Variants in CTCF observed in about 807,000 individuals in gnomAD.
CTCF encodes transcriptional repressor CTCF.
CTCF carries 7 observed loss-of-function variants against 72.3 expected under a neutral mutation model. That is an observed-to-expected ratio of 0.10 (90% CI 0.06 to 0.18). CTCF has a LOEUF of 0.18. CTCF is among the 10% of genes least tolerant of loss of function. The probability of loss-of-function intolerance (pLI) is 1.00; values close to 1 mark genes in which losing one functional copy is unlikely to be tolerated. For missense variants in CTCF, 516 were observed against 949.1 expected (o/e 0.54, Z 6.00); for synonymous variants, 374 against 315.8 (o/e 1.18, Z -1.95).
chr16:67,611,881 A>C, intron 3 of CTCF, 70 bp from the exon 4 acceptor site: 7 of 1,364,534 alleles, frequency 5.1e-6, no homozygotes, highest in Non-Finnish European at 7.2e-6. Flanking sequence ...TATTTGTAGA[A>C]ATTTAAGATT....
chr16:67,610,506 C>T (rs2052047504), intron 2 of CTCF: 1 of 154,586 alleles, frequency 6.5e-6, no homozygotes, highest in Admixed American at 6.5e-5. Flanking sequence ...GCGCCCGCCA[C>T]CATGCCTGGC....
chr16:67,620,916 G>A, intron 6 of CTCF, 99 bp downstream of exon 6: 2 of 982,980 alleles, frequency 2.0e-6, no homozygotes, highest in Non-Finnish European at 2.8e-6. Flanking sequence ...TTATATGAAT[G>A]AAGACTGGCA....
Position 67,610,903 on chromosome 16 carries a change from C to A in CTCF, c.71C>A (p.Thr24Asn). 1 of 1,528,798 alleles carries A rather than the reference C, an allele frequency of 6.5e-7. No individual in the cohort carries two copies. 94.7% of individuals were successfully genotyped at this position (1,528,798 alleles called of 1,614,324 possible). Residue 24 changes from threonine to asparagine, a missense_variant, in exon 3 of 12, where the codon ACT becomes AAT. Thr to Asn is a moderately conservative substitution (Grantham distance 65). Transcript: ENST00000264010. Reference sequence around the variant, plus strand: ...TTTATTAAAGGAAAGGAGAGAAAGACTTACCAGAGACGCCGGGAAGGGGGC... The same window carrying A: ...TTTATTAAAGGAAAGGAGAGAAAGAATTACCAGAGACGCCGGGAAGGGGGC... ...ETFIKGKERK[T>N]YQRRREGGQE...
At position 67,580,772 on chromosome 16, in the gene CTCF, A is replaced by ATTTTTTTTTTTTTTTT. The variant is rs781616750; in HGVS notation, c.-10+9516_-10+9531dup. 4.0e-3 allele frequency among the ~76,000 whole-genome samples: 481 copies of ATTTTTTTTTTTTTTTT among 120,088 alleles called. 17 individuals carry two copies. Among genetic ancestry groups the ATTTTTTTTTTTTTTTT allele is most frequent in the African/African-American group, 0.016 (456 of 28,844 alleles). 78.8% of individuals were successfully genotyped at this position (120,088 alleles called of 152,430 possible). ...GGCACCTGCCCCAACGCCTGGCCAA[A>ATTTTTTTTTTTTTTTT]TTTTTTTTTTTTTTTTTTTTTTTAG... On this transcript the variant is annotated intron_variant, in intron 2 of 11. Transcript: ENST00000264010.
intron 11 of CTCF, among the ~76,000 whole-genome samples, chr16:67,637,302 CGGGA>C (rs2052443791): frequency 6.6e-6 from 1 of 152,164 alleles, no homozygotes; most frequent in Admixed American, 6.5e-5. Context: ...GGGGCCAAGG[CGGGA>C]GGATCACCTG....
intron 1 of CTCF, 178 bp from the exon 2 acceptor site, chr16:67,570,970 T>G (rs1180445366): frequency 2.0e-5 from 3 of 152,132 alleles, no homozygotes; most frequent in Non-Finnish European, 4.4e-5. Context: ...ATGAATGTTT[T>G]GTTATTGGCT....
intron 2 of CTCF, among the ~76,000 whole-genome samples, chr16:67,577,662 G>A (rs1200756195): frequency 6.6e-6 from 1 of 151,662 alleles, no homozygotes; most frequent in Non-Finnish European, 1.5e-5. Context: ...AGCCAGGATG[G>A]TCTCATCATC....
Position 67,632,189 on chromosome 16 carries a change from C to T in CTCF, c.1837+2656C>T, listed in dbSNP as rs1158594651. 3.3e-5 allele frequency among the ~76,000 whole-genome samples: 5 copies of T among 152,206 alleles called. No individual in the cohort carries two copies. The South Asian group carries it at 8.3e-4, about 25-fold the overall frequency. ...CAGATAATCTTAACCTTGGGGATCCCTATAGTTGTTCTTAGTTGCAAAGCC... is the reference window on the plus strand; with the variant it reads ...CAGATAATCTTAACCTTGGGGATCCTTATAGTTGTTCTTAGTTGCAAAGCC... On this transcript the variant is annotated intron_variant, in intron 10 of 11. Coordinates refer to ENST00000264010, the MANE Select transcript of CTCF (RefSeq NM_006565.4).
intron 2 of CTCF, among the ~76,000 whole-genome samples, chr16:67,600,454 T>C (rs988244027): frequency 2.0e-5 from 3 of 152,154 alleles, no homozygotes; most frequent in Non-Finnish European, 4.4e-5. Flanking sequence ...GGTCTCGAAC[T>C]CCTGGACTCA....
At chr16:67,620,027 A>G (rs574286532) in intron 5 of CTCF, among the ~76,000 whole-genome samples, 1 of 152,230 alleles carries the variant, frequency 6.6e-6, no homozygotes, top group African/African-American at 2.4e-5. Flanking sequence ...TAATGATAGG[A>G]AAAGAGGATG....
At chr16:67,576,942 T>A (rs1445064204) in intron 2 of CTCF, among the ~76,000 whole-genome samples, 1 of 152,294 alleles carries the variant, frequency 6.6e-6, no homozygotes, top group African/African-American at 2.4e-5. Context: ...TGGTATGATC[T>A]CGTGAGAGTA....
chr16:67,579,823 A>T (rs1597685275), intron 2 of CTCF, among the ~76,000 whole-genome samples: 2 of 152,188 alleles, frequency 1.3e-5, no homozygotes, highest in Non-Finnish European at 2.9e-5. Flanking sequence ...AGGGAATGGC[A>T]TGTACAAAGG....
chr16:67,586,991 T>A (rs1229829617), intron 2 of CTCF, among the ~76,000 whole-genome samples: 2 of 152,134 alleles, frequency 1.3e-5, no homozygotes, highest in Non-Finnish European at 2.9e-5. Context: ...GACAAGGTTT[T>A]GCCATGTTGC....
chr16:67,588,861 AT>A (rs61023594), intron 2 of CTCF, among the ~76,000 whole-genome samples: 5 of 150,510 alleles, frequency 3.3e-5, no homozygotes, highest in African/African-American at 9.8e-5. Context: ...TAATTTTTGT[AT>A]TTTTTTTTAG....
At chr16:67,620,014 C>T (rs768100029) in intron 5 of CTCF, among the ~76,000 whole-genome samples, 3 of 152,042 alleles carry the variant, frequency 2.0e-5, no homozygotes, top group Admixed American at 6.6e-5. Context: ...GTCTAGGAAA[C>T]GCTAATGATA....
intron 2 of CTCF, among the ~76,000 whole-genome samples, chr16:67,579,808 A>G (rs918542418): frequency 6.6e-6 from 1 of 152,190 alleles, no homozygotes; most frequent in African/African-American, 2.4e-5. Context: ...GTATATTCCT[A>G]GAAGAGGGAA....
At chr16:67,608,197 G>A (rs2052003391) in intron 2 of CTCF, among the ~76,000 whole-genome samples, 1 of 151,000 alleles carries the variant, frequency 6.6e-6, no homozygotes, top group Non-Finnish European at 1.5e-5. Flanking sequence ...GGTGGTGGGC[G>A]CCTGTAGTCC....
At chr16:67,602,857 A>G (rs940373846) in intron 2 of CTCF, among the ~76,000 whole-genome samples, 15 of 151,942 alleles carry the variant, frequency 9.9e-5, no homozygotes, top group African/African-American at 2.4e-4. Flanking sequence ...AAAAAAAAAA[A>G]AAAAGAGAAG....
intron 6 of CTCF, 64 bp from the exon 7 acceptor site, chr16:67,621,378 C>A: frequency 1.6e-6 from 2 of 1,243,868 alleles, no homozygotes; most frequent in Non-Finnish European, 2.3e-6. Context: ...CCTGAGTTAC[C>A]CTCCAGTTAA....
Sources: gnomAD v4.1 joint callset for allele counts (sites outside exome capture counted in the v4.1 genomes callset) on GRCh38, gnomAD v4.1.1 for gene constraint, MANE v1.5 for transcripts, NCBI Gene and HGNC (gene_info 2026-07-23, HGNC 2026-07-21) for gene names.